The following SI variants were observed in gnomAD, a reference collection of about 807,000 sequenced individuals.
SI encodes sucrase-isomaltase, intestinal.
Under a neutral mutation model 253.3 loss-of-function variants are expected in SI, and 235 were observed. The observed-to-expected ratio is 0.93, with a 90% CI of 0.83 to 1.03. SI has a LOEUF of 1.03. SI is among the 50% of genes least tolerant of loss of function. The pLI, the probability that SI is intolerant of heterozygous loss-of-function variation, is 0.00. For missense variants in SI, 2,442 were observed against 2,211.1 expected (o/e 1.10, Z -2.09); for synonymous variants, 819 against 712.0 (o/e 1.15, Z -2.39).
intron 13 of SI, among the ~76,000 whole-genome samples, chr3:165,053,197 T>A (rs964643219): frequency 1.3e-5 from 2 of 151,878 alleles, no homozygotes; most frequent in African/African-American, 2.4e-5. Flanking sequence ...GAATTCAAAT[T>A]TATTATATTT....
At chr3:165,058,336 T>C (rs554255374) in intron 12 of SI, among the ~76,000 whole-genome samples, 10 of 151,732 alleles carry the variant, frequency 6.6e-5, no homozygotes, top group Middle Eastern at 3.4e-3. Context: ...ATCAAAAAAG[T>C]TGAAAAACTT....
At chr3:165,063,075 ACT>A (rs1714061335) in intron 8 of SI, among the ~76,000 whole-genome samples, 1 of 151,752 alleles carries the variant, frequency 6.6e-6, no homozygotes, top group African/African-American at 2.4e-5. Context: ...TAAAAAAAAT[ACT>A]CTTTTTTCTA....
At chr3:164,985,812 G>C (rs1476391833) in intron 45 of SI, among the ~76,000 whole-genome samples, 3 of 151,914 alleles carry the variant, frequency 2.0e-5, no homozygotes, top group African/African-American at 7.3e-5. Context: ...AATCTCCTAT[G>C]GGAGATTTCT....
Position 164,994,244 on chromosome 3 carries a change from AC to A in SI, c.4841+12del. On this transcript the variant is annotated intron_variant, in intron 41 of 47. Coordinates refer to ENST00000264382, the MANE Select transcript of SI (RefSeq NM_001041.4). ...ATCTCTCTGTGATAAGAGAAAACAA[AC>A]TTTGTACTTACTCATGCAAAAGGGG... 2 of 1,608,600 alleles carry A rather than the reference AC, an allele frequency of 1.2e-6. No homozygotes were observed. The highest frequency in any genetic ancestry group is 1.7e-6 in the Non-Finnish European group (2 of 1,176,150).
chr3:165,077,401 C>A (rs921192967), intron 1 of SI, among the ~76,000 whole-genome samples: 1 of 151,670 alleles, frequency 6.6e-6, no homozygotes, highest in Non-Finnish European at 1.5e-5. Flanking sequence ...TAGATCGTTA[C>A]ATTCTTGTTA....
chr3:165,063,368 G>C (rs549746116), intron 8 of SI, 74 bp downstream of exon 8: 3 of 721,812 alleles, frequency 4.2e-6, no homozygotes, highest in Admixed American at 2.0e-5. Context: ...CAATATGAAT[G>C]ATTGAAATAA....
chr3:165,019,317 C>A (rs1418951270), intron 28 of SI, among the ~76,000 whole-genome samples: 1 of 151,922 alleles, frequency 6.6e-6, no homozygotes, highest in Non-Finnish European at 1.5e-5. Context: ...AATACAGAAT[C>A]AGCATATTCT....
At chr3:165,035,852 A>T (rs1022535338) in intron 22 of SI, among the ~76,000 whole-genome samples, 2 of 151,690 alleles carry the variant, frequency 1.3e-5, no homozygotes, top group East Asian at 1.9e-4. Flanking sequence ...CCATAGCAGA[A>T]GATTACTTTT....
At chr3:165,047,061 G>T in intron 15 of SI, 49 bp from the exon 16 acceptor site, 1 of 1,401,242 alleles carries the variant, frequency 7.1e-7, no homozygotes, top group Non-Finnish European at 9.8e-7. Flanking sequence ...AAAAAATAAA[G>T]TTGGTATTTA....
rs781161253 is a variant in SI at position 165,037,921 on chromosome 3, G to C, written c.2405C>G (p.Pro802Arg). 7 of 1,608,380 alleles carry C rather than the reference G, an allele frequency of 4.4e-6. No individual in the cohort carries two copies. Among genetic ancestry groups the C allele is most frequent in the Non-Finnish European group, 6.0e-6 (7 of 1,175,982 alleles). Residue 802 changes from proline to arginine, a missense_variant, in exon 21 of 48, where the codon CCA becomes CGA. Pro to Arg is a moderately radical substitution (Grantham distance 103). Coordinates refer to ENST00000264382, the MANE Select transcript of SI (RefSeq NM_001041.4). The part of the protein sequence containing the change: ...RGGYIIPIQE[P>R]DVTTTASRKN... ...TTACCTTGCTGTTGTTGTTACATCT[G>C]GTTCTTGAATGGGGATGATATAACC...
At chr3:164,997,346 A>G (rs896478884) in intron 38 of SI, among the ~76,000 whole-genome samples, 4 of 151,872 alleles carry the variant, frequency 2.6e-5, no homozygotes, top group Non-Finnish European at 3.0e-5. Flanking sequence ...TATAGAGCAC[A>G]AAAGTATCTA....
At chr3:165,010,008 A>G (rs1312568266) in intron 34 of SI, among the ~76,000 whole-genome samples, 1 of 152,176 alleles carries the variant, frequency 6.6e-6, no homozygotes, top group East Asian at 1.9e-4. Context: ...GTATGTCTCA[A>G]AAAAATGACA....
chr3:165,051,767 C>T (rs982149464), intron 13 of SI, among the ~76,000 whole-genome samples: 6 of 151,592 alleles, frequency 4.0e-5, no homozygotes, highest in Non-Finnish European at 7.4e-5. Flanking sequence ...TGTAAATTTG[C>T]CATAAATTTC....
chr3:165,078,907 A>T (rs1008718878), upstream of SI, among the ~76,000 whole-genome samples: 4 of 151,538 alleles, frequency 2.6e-5, no homozygotes, highest in African/African-American at 7.2e-5. Context: ...AGAAGATAAT[A>T]TTTTATAAAA....
At chr3:164,980,699 T>A (rs186566966) in intron 47 of SI, among the ~76,000 whole-genome samples, 4 of 152,110 alleles carry the variant, frequency 2.6e-5, no homozygotes, top group Admixed American at 2.6e-4. Flanking sequence ...TTTGTGAATG[T>A]TTTTAAAGAG....
chr3:164,994,056 GT>G (rs1717899705), intron 41 of SI, among the ~76,000 whole-genome samples, 200 bp downstream of exon 41: 1 of 151,568 alleles, frequency 6.6e-6, no homozygotes, highest in Non-Finnish European at 1.5e-5. Flanking sequence ...AATTAATGTG[GT>G]TCATTCTTTA....
At chr3:165,002,307 C>G (rs1444922723) in intron 37 of SI, among the ~76,000 whole-genome samples, 2 of 151,628 alleles carry the variant, frequency 1.3e-5, no homozygotes, top group African/African-American at 4.8e-5. Context: ...ATTGAAGACT[C>G]AAAACTTTTT....
intron 3 of SI, among the ~76,000 whole-genome samples, chr3:165,071,683 A>G (rs1714586654): frequency 6.6e-6 from 1 of 152,174 alleles, no homozygotes; most frequent in African/African-American, 2.4e-5. Context: ...TGGGGCCCTA[A>G]TTCATTAGGA....
At chr3:165,041,153 T>A (rs1164544213) in intron 17 of SI, 59 bp from the exon 18 acceptor site, 1 of 1,489,174 alleles carries the variant, frequency 6.7e-7, no homozygotes, top group African/African-American at 1.4e-5. Flanking sequence ...AAAATTAAAG[T>A]AGAAGCATTT....
Sources: allele counts gnomAD v4.1 joint callset (sites outside exome capture counted in the v4.1 genomes callset), GRCh38; gene constraint gnomAD v4.1.1; transcripts MANE v1.5; gene names NCBI Gene and HGNC (gene_info 2026-07-23, HGNC 2026-07-21).